ITGA9: variants seen among roughly 807,000 people sequenced by gnomAD.
ITGA9 encodes the protein integrin subunit alpha 9, also known as integrin alpha-9.
ITGA9 carries 56 observed loss-of-function variants against 127.8 expected under a neutral mutation model. The observed-to-expected ratio is 0.44, with a 90% CI of 0.35 to 0.55. ITGA9 has a LOEUF of 0.55. Among genes scored for constraint, ITGA9 ranks in the 20% least tolerant of loss-of-function variants. The pLI, the probability that ITGA9 is intolerant of heterozygous loss-of-function variation, is 0.00. For synonymous variants in ITGA9, 508 were observed against 514.5 expected (o/e 0.99, Z 0.17); for missense variants, 1,196 against 1,347.1 (o/e 0.89, Z 1.76).
chr3:37,715,300 T>C (rs1396095140), intron 18 of ITGA9, among the ~76,000 whole-genome samples: 1 of 152,200 alleles, frequency 6.6e-6, no homozygotes, highest in African/African-American at 2.4e-5. Context: ...CCAGCAACGC[T>C]GTGGGTTAGG....
At chr3:37,512,015 T>C in intron 8 of ITGA9, among the ~76,000 whole-genome samples, 2 of 26,704 alleles carry the variant, frequency 7.5e-5, no homozygotes, top group African/African-American at 1.0e-4. Flanking sequence ...TTTCTTTTCT[T>C]TTCTTTTCTT....
intron 18 of ITGA9, among the ~76,000 whole-genome samples, chr3:37,705,975 T>G (rs1394652087): frequency 6.6e-6 from 1 of 152,216 alleles, no homozygotes; most frequent in Non-Finnish European, 1.5e-5. Flanking sequence ...TTTTCTGAAG[T>G]CATCCATTCA....
intron 23 of ITGA9, among the ~76,000 whole-genome samples, chr3:37,775,836 T>C (rs1696900771): frequency 6.6e-6 from 1 of 152,120 alleles, no homozygotes; most frequent in East Asian, 1.9e-4. Flanking sequence ...GGTATATATA[T>C]ACCCAAATGA....
chr3:37,590,191 C>T (rs1052705583), intron 15 of ITGA9, among the ~76,000 whole-genome samples: 1 of 152,170 alleles, frequency 6.6e-6, no homozygotes, highest in African/African-American at 2.4e-5. Context: ...TCTGAAAAAG[C>T]AGGTTGTGGC....
At chr3:37,574,936 C>T (rs1575155102) in intron 15 of ITGA9, among the ~76,000 whole-genome samples, 1 of 152,132 alleles carries the variant, frequency 6.6e-6, no homozygotes, top group East Asian at 1.9e-4. Flanking sequence ...AAGACCCTGC[C>T]CTGGAATTGC....
Position 37,653,796 on chromosome 3 carries a change from T to C in ITGA9, c.1916+6T>C. 3.1e-6 allele frequency: 5 copies of C among 1,608,988 alleles called. No individual in the cohort carries two copies. The highest frequency in any genetic ancestry group is 4.3e-6 in the Non-Finnish European group (5 of 1,175,326). ...GGTAAACTGCTGCTCTCCAGGTATG[T>C]CGGTGTTTCCTTCAGAGCATTGTTC... On this transcript the variant is annotated splice_donor_region_variant and intron_variant, in intron 17 of 27. Transcript: ENST00000264741.
At chr3:37,477,856 C>T (rs1698509655) in intron 3 of ITGA9, among the ~76,000 whole-genome samples, 1 of 152,020 alleles carries the variant, frequency 6.6e-6, no homozygotes, top group South Asian at 2.1e-4. Flanking sequence ...TTCTCTTTGT[C>T]ATTTCCTTTC....
At chr3:37,691,300 C>T (rs149908752) in intron 18 of ITGA9, among the ~76,000 whole-genome samples, 62 of 152,104 alleles carry the variant, frequency 4.1e-4, no homozygotes, top group African/African-American at 1.5e-3. Flanking sequence ...GATAGAGCCT[C>T]GCTGAGGTTC....
At chr3:37,630,837 T>A (rs1372704048) in intron 16 of ITGA9, among the ~76,000 whole-genome samples, 1 of 150,198 alleles carries the variant, frequency 6.7e-6, no homozygotes, top group East Asian at 2.0e-4. Flanking sequence ...CCTGGGGGAG[T>A]GAGGGAGGAC....
At chr3:37,514,401 C>T (rs1340680955) in intron 9 of ITGA9, among the ~76,000 whole-genome samples, 2 of 152,172 alleles carry the variant, frequency 1.3e-5, no homozygotes, top group Non-Finnish European at 2.9e-5. Flanking sequence ...CAGAGGAGGA[C>T]ACAATGGCTG....
intron 15 of ITGA9, among the ~76,000 whole-genome samples, chr3:37,618,897 C>A (rs1401697442): frequency 1.3e-5 from 2 of 152,122 alleles, no homozygotes; most frequent in Non-Finnish European, 2.9e-5. Flanking sequence ...ATGCCCTGAC[C>A]CCTTGTGCTT....
rs555931535 is a variant in ITGA9, at chr3:37,533,842, C to T, written c.1528+374C>T. Among the ~76,000 whole-genome samples the T allele has an allele frequency of 5.9e-5, 9 of 152,312 alleles. No homozygotes were observed. In the South Asian group the frequency reaches 1.9e-3, roughly 32 times the overall value. ...AGCAGAAGTGACAGGACTTTGGAGG[C>T]TCCTTATTGAGCTTGTAGCATCAGC... is the stretch of plus-strand genomic sequence containing the variant. On this transcript the variant is annotated intron_variant, in intron 14 of 27. Transcript: ENST00000264741.
In ITGA9 at chr3:37,822,527, C is replaced by G. The variant is rs919404290; in HGVS notation, c.*3538C>G. ...AGCACTGAGGTTTCCTCAGGCAGTT[C>G]TTTAGGAAAACTGTCAGCATCATGG... On this transcript the variant is annotated 3_prime_UTR_variant, in exon 28 of 28. Transcript: ENST00000264741. 2.0e-5 allele frequency: 3 copies of G among 152,176 alleles called. No homozygotes were observed. Among genetic ancestry groups the G allele is most frequent in the East Asian group, 3.9e-4 (2 of 5,184 alleles). 9.4% of individuals were successfully genotyped at this position (152,176 alleles called of 1,614,324 possible). A position where few individuals can be genotyped will look rare whatever the true frequency, so the allele number is the denominator to read the frequency against.
intron 27 of ITGA9, 39 bp from the exon 28 acceptor site, chr3:37,818,852 G>A: frequency 2.0e-6 from 3 of 1,493,038 alleles, no homozygotes; most frequent in Non-Finnish European, 2.8e-6. Context: ...TGATTCTTCA[G>A]CACTTCTAAC....
intron 9 of ITGA9, among the ~76,000 whole-genome samples, chr3:37,516,204 A>G (rs145591511): frequency 9.2e-5 from 14 of 152,282 alleles, no homozygotes; most frequent in African/African-American, 1.4e-4. Flanking sequence ...CCTGCCAACC[A>G]GTGTTTCTTG....
At position 37,821,620 on chromosome 3, in the gene ITGA9, G is replaced by C. The variant is rs1697516335; in HGVS notation, c.*2631G>C. 6.6e-6 allele frequency: 1 copy of C among 152,110 alleles called. No homozygotes were observed. The highest frequency in any genetic ancestry group is 2.4e-5 in the African/African-American group (1 of 41,404). The allele number at this position is 152,110 out of a possible 1,614,324, so 9.4% of individuals were successfully genotyped here. A position where few individuals can be genotyped will look rare whatever the true frequency, so the allele number is the denominator to read the frequency against. ...CTCCTGCCGGGGTGTAGGTGCGTTG[G>C]TGACAGTGTAGAAGGGTGATTCGCA... On this transcript the variant is annotated 3_prime_UTR_variant, in exon 28 of 28. Transcript: ENST00000264741.
intron 9 of ITGA9, 112 bp downstream of exon 9, chr3:37,514,012 G>A (rs1579078200): frequency 3.9e-6 from 5 of 1,288,682 alleles, no homozygotes; most frequent in East Asian, 4.6e-5. Flanking sequence ...TTACCCAGAG[G>A]AGATGAAAAT....
chr3:37,694,572 T>C (rs1700865112), intron 18 of ITGA9, among the ~76,000 whole-genome samples: 1 of 152,228 alleles, frequency 6.6e-6, no homozygotes. Flanking sequence ...AGGAAGGCTA[T>C]GTTTTGCTTT....
intron 15 of ITGA9, among the ~76,000 whole-genome samples, chr3:37,620,683 T>A (rs1403094186): frequency 1.3e-5 from 2 of 152,198 alleles, no homozygotes; most frequent in East Asian, 3.9e-4. Context: ...CTTCCTCAGA[T>A]GTCTAGTGTT....
Sources: gnomAD v4.1 joint callset for allele counts (sites outside exome capture counted in the v4.1 genomes callset) on GRCh38, gnomAD v4.1.1 for gene constraint, MANE v1.5 for transcripts, NCBI Gene and HGNC (gene_info 2026-07-23, HGNC 2026-07-21) for gene names.